NBEAL2: variants seen among roughly 807,000 people sequenced by gnomAD.
The protein encoded by NBEAL2 is neurobeachin-like protein 2.
NBEAL2 carries 160 observed loss-of-function variants against 299.8 expected under a neutral mutation model. The observed-to-expected ratio is 0.53, with a 90% confidence interval of 0.47 to 0.61. The LOEUF is 0.61. Ranked by LOEUF, NBEAL2 falls within the 20% of genes least tolerant of loss-of-function variation. The probability of loss-of-function intolerance (pLI) is 0.00; values close to 1 mark genes in which losing one functional copy is unlikely to be tolerated. For synonymous variants in NBEAL2, 1,493 were observed against 1,542.3 expected (o/e 0.97, Z 0.75); for missense variants, 3,112 against 3,649.0 (o/e 0.85, Z 3.79).
rs1296209242 is a variant in NBEAL2, at chr3:46,998,892, T to C, written c.3384+13T>C. 6.3e-7 allele frequency: 1 copy of C among 1,594,700 alleles called. No individual in the cohort carries two copies. The highest frequency in any genetic ancestry group is 8.5e-7 in the Non-Finnish European group (1 of 1,171,240). ...CGATGACGGTCAGGTAGGCTGGAGG[T>C]TGGGGAGCGGGAGGCTTGGGTGAGG... On this transcript the variant is annotated intron_variant, in intron 23 of 53. Transcript: ENST00000450053.
At position 47,008,175 on chromosome 3, in the gene NBEAL2, T is replaced by C; in HGVS notation, c.7708T>C (p.Ser2570Pro). 1.2e-6 allele frequency: 2 copies of C among 1,613,952 alleles called. No homozygotes were observed. The highest frequency in any genetic ancestry group is 1.7e-6 in the Non-Finnish European group (2 of 1,179,868). ...CAGCACTGAACTTGACATGGCTGTG[T>C]CTGGATCTGAGGTGTGTGTATGCAT... is the stretch of plus-strand genomic sequence containing the variant. ...AISTELDMAV[S>P]GSEDGTVIIH... Residue 2570 changes from serine to proline, a missense_variant, in exon 50 of 54, where the codon TCT (serine) becomes CCT (proline). Ser to Pro is a moderately conservative substitution (Grantham distance 74). Coordinates refer to ENST00000450053, the MANE Select transcript of NBEAL2 (RefSeq NM_015175.3).
At position 46,988,138 on chromosome 3, in the gene NBEAL2, C is replaced by A; in HGVS notation, c.52-531C>A. ...AGGCAGGGCCGCACATGAGGATGTG[C>A]GCATGTCTGGGTCTGCCTGTCTAAT... is the stretch of plus-strand genomic sequence containing the variant. On this transcript the variant is annotated intron_variant, in intron 1 of 53. Transcript: ENST00000450053. The surrounding 1 kb of genome is among the most constrained non-coding windows in gnomAD (Gnocchi z 4.4). 2 of 1,087,222 alleles carry A rather than the reference C, an allele frequency of 1.8e-6. No individual in the cohort carries two copies. The highest frequency in any genetic ancestry group is 2.3e-6 in the Non-Finnish European group (2 of 853,830). The allele number at this position is 1,087,222 out of a possible 1,614,324, so 67.3% of individuals were successfully genotyped here. A position where few individuals can be genotyped will look rare whatever the true frequency, so the allele number is the denominator to read the frequency against.
At chr3:46,990,893 A>G (rs1404787153) in intron 6 of NBEAL2, among the ~76,000 whole-genome samples, 4 of 152,204 alleles carry the variant, frequency 2.6e-5, no homozygotes, top group Admixed American at 6.5e-5. Context: ...CCTGGTCATC[A>G]TGGGGAAGTG....
At chr3:46,992,392 G>C (rs1160609158) in intron 9 of NBEAL2, 83 bp from the exon 10 acceptor site, 1 of 1,314,726 alleles carries the variant, frequency 7.6e-7, no homozygotes. Flanking sequence ...AGCTGCCCCT[G>C]GTCCTGCTCT....
At chr3:47,006,527 C>A in intron 45 of NBEAL2, 78 bp downstream of exon 45, 1 of 1,308,692 alleles carries the variant, frequency 7.6e-7, no homozygotes, top group Non-Finnish European at 1.1e-6. Context: ...CCACGTGGGG[C>A]AGATGGGAAT....
rs538053740 is a variant in NBEAL2 at position 46,984,778 on chromosome 3, C to T, written c.52-3891C>T. On this transcript the variant is annotated intron_variant, in intron 1 of 53. Transcript: ENST00000450053. ...CTCTCCCTTCCTGCTCCTAGCTCTTCCCTGGGGTCCATTAATGCCTCTTAC... is the reference window on the plus strand; with the variant it reads ...CTCTCCCTTCCTGCTCCTAGCTCTTTCCTGGGGTCCATTAATGCCTCTTAC... Among the ~76,000 whole-genome samples, 52 of 152,190 alleles carry T rather than the reference C, an allele frequency of 3.4e-4. No homozygotes were observed. The South Asian group carries it at 0.01, about 30-fold the overall frequency.
chr3:47,000,230 T>C lies in NBEAL2; in HGVS notation c.4131T>C (p.Ser1377=), dbSNP rs1275841005. ...SGNTAGGGGS[S]GTLTPASQPG... ...ACACTGCTGGTGGTGGCGGCAGCAGTGGGACTCTTACTCCAGCCAGCCAGC... is the reference window on the plus strand; with the variant it reads ...ACACTGCTGGTGGTGGCGGCAGCAGCGGGACTCTTACTCCAGCCAGCCAGC... The change falls in exon 27 of 54, where the codon AGT becomes AGC. Residue 1377 remains serine (S), a synonymous_variant. Coordinates refer to ENST00000450053, the MANE Select transcript of NBEAL2 (RefSeq NM_015175.3). This position sits in a 1 kb window ranked among gnomAD's most constrained non-coding sequence, Gnocchi z 4.5. 6.2e-7 allele frequency: 1 copy of C among 1,613,446 alleles called. No individual in the cohort carries two copies. Among genetic ancestry groups the C allele is most frequent in the Non-Finnish European group, 8.5e-7 (1 of 1,179,870 alleles).
Position 47,004,258 on chromosome 3 carries a change from G to T in NBEAL2, c.6063G>T (p.Gln2021His). 6.2e-7 allele frequency: 1 copy of T among 1,613,640 alleles called. No individual in the cohort carries two copies. Among genetic ancestry groups the T allele is most frequent in the Non-Finnish European group, 8.5e-7 (1 of 1,179,766 alleles). The change falls in exon 37 of 54, where the codon CAG becomes CAT. Residue 2021 changes from glutamine (Q) to histidine (H), a missense_variant. Around this residue, in one of 3 missense-constraint regions of NBEAL2, gnomAD observed 521 missense variants for 729.6 expected, o/e 0.71. Transcript: ENST00000450053. This position sits in a 1 kb window ranked among gnomAD's most constrained non-coding sequence, Gnocchi z 5.0. ...CTCCTAGCCAGACTCCCAGACCCCA[G>T]CCTGGCCCCATCCCACCCCATACCC... is the stretch of plus-strand genomic sequence containing the variant. ...VSSPSQTPRP[Q>H]PGPIPPHTQV...
chr3:46,995,215 C>T lies in NBEAL2; in HGVS notation c.1480C>T (p.Leu494=), dbSNP rs1194655669. ...CCGTGCCACCTGTGTGCAGGCAGGC[C>T]TGGTGGGCTGCCTGTTGGAGACACT... ...ASRATCVQAG[L]VGCLLETLST... The change falls in exon 13 of 54, where the codon CTG becomes TTG. Residue 494 remains leucine (L), a synonymous_variant. Coordinates refer to ENST00000450053, the MANE Select transcript of NBEAL2 (RefSeq NM_015175.3). 2 of 1,555,950 alleles carry T rather than the reference C, an allele frequency of 1.3e-6. No homozygotes were observed. The highest frequency in any genetic ancestry group is 4.8e-5 in the East Asian group (2 of 41,268).
At chr3:46,983,858 C>T (rs1478712776) in intron 1 of NBEAL2, among the ~76,000 whole-genome samples, 1 of 152,048 alleles carries the variant, frequency 6.6e-6, no homozygotes, top group Non-Finnish European at 1.5e-5. Context: ...GGTCAGTTAC[C>T]ATGGGGTCTA....
intron 1 of NBEAL2, among the ~76,000 whole-genome samples, chr3:46,987,787 C>T (rs2035771772): frequency 6.6e-6 from 1 of 152,302 alleles, no homozygotes; most frequent in Non-Finnish European, 1.5e-5. Flanking sequence ...ACAAGCCCCA[C>T]CCAGGACAGG....
chr3:47,000,344 C>T lies in NBEAL2; in HGVS notation c.4245C>T (p.Asp1415=), dbSNP rs371129706. The change falls in exon 27 of 54, where the codon GAC becomes GAT. Residue 1415 remains aspartate, a synonymous_variant. Coordinates refer to ENST00000450053, the MANE Select transcript of NBEAL2 (RefSeq NM_015175.3). This position sits in a 1 kb window ranked among gnomAD's most constrained non-coding sequence, Gnocchi z 4.5. ...CCAGTCTCTCCAATGTGCTGGAGGACGGCAGCCTCCCGGAGCCCACCATTA... is the reference window on the plus strand; with the variant it reads ...CCAGTCTCTCCAATGTGCTGGAGGATGGCAGCCTCCCGGAGCCCACCATTA... ...HSSSLSNVLE[D]GSLPEPTISG... 118 of 1,602,742 alleles carry T rather than the reference C, an allele frequency of 7.4e-5. No homozygotes were observed. The highest frequency in any genetic ancestry group is 3.3e-4 in the Middle Eastern group (2 of 6,024).
intron 1 of NBEAL2, among the ~76,000 whole-genome samples, chr3:46,981,173 G>A (rs535042399): frequency 6.9e-4 from 105 of 152,276 alleles, no homozygotes; most frequent in African/African-American, 2.4e-3. Context: ...GGCCGGGCAC[G>A]GTGGCTCACA....
chr3:46,993,836 A>T (rs1364950152), intron 10 of NBEAL2, 101 bp from the exon 11 acceptor site: 1 of 1,023,158 alleles, frequency 9.8e-7, no homozygotes, highest in Admixed American at 2.1e-5. Context: ...CACATGCCAC[A>T]TGCCTTGGGG....
chr3:47,007,373 G>A, intron 47 of NBEAL2, 23 bp downstream of exon 47: 1 of 1,582,176 alleles, frequency 6.3e-7, no homozygotes, highest in East Asian at 2.3e-5. Flanking sequence ...GCTGTGGGTG[G>A]GGTGGGCTAC....
Position 46,980,747 on chromosome 3 carries a change from C to T in NBEAL2, c.51+835C>T, listed in dbSNP as rs560605064. On this transcript the variant is annotated intron_variant, in intron 1 of 53. Coordinates refer to ENST00000450053, the MANE Select transcript of NBEAL2 (RefSeq NM_015175.3). ...TCAGCTGAGAACCTGGTATCACTCA[C>T]ACCGTCTCACACACATAGTCCCCCA... Among the ~76,000 whole-genome samples the T allele has an allele frequency of 2.9e-4, 44 of 152,262 alleles. No individual in the cohort carries two copies. The South Asian group carries it at 8.9e-3, about 31-fold the overall frequency.
Position 47,005,017 on chromosome 3 carries a change from A to G in NBEAL2, c.6340A>G (p.Ser2114Gly), listed in dbSNP as rs1453184345. The change falls in exon 39 of 54, where the codon AGC becomes GGC. Residue 2114 changes from serine to glycine, a missense_variant. Ser to Gly is a moderately conservative substitution (Grantham distance 56). Coordinates refer to ENST00000450053, the MANE Select transcript of NBEAL2 (RefSeq NM_015175.3). ...CTACGTGTCCCCAACCCTGGACCTCAGCAACCCAGCCGTCTTCCGGGACCT... is the reference window on the plus strand; with the variant it reads ...CTACGTGTCCCCAACCCTGGACCTCGGCAACCCAGCCGTCTTCCGGGACCT... ...QDYVSPTLDL[S>G]NPAVFRDLSK... The G allele has an allele frequency of 1.9e-6, 3 of 1,612,324 alleles. No homozygotes were observed. In the African/African-American group the frequency reaches 4.0e-5, roughly 22 times the overall value.
At chr3:46,992,395 C>A (rs1342538203) in intron 9 of NBEAL2, 80 bp from the exon 10 acceptor site, 3 of 1,344,416 alleles carry the variant, frequency 2.2e-6, no homozygotes, top group Non-Finnish European at 2.1e-6. Context: ...TGCCCCTGGT[C>A]CTGCTCTAAC....
rs773176694 is a variant in NBEAL2, at chr3:47,005,307, G to C, written c.6546G>C (p.Gln2182His). 6.2e-7 allele frequency: 1 copy of C among 1,612,518 alleles called. No individual in the cohort carries two copies. Among genetic ancestry groups the C allele is most frequent in the Middle Eastern group, 1.6e-4 (1 of 6,062 alleles). The change falls in exon 40 of 54, where the codon CAG (glutamine) becomes CAC (histidine). Residue 2182 changes from glutamine (Q) to histidine (H), a missense_variant. By Grantham distance (24) the Gln-to-His change is conservative. Around this residue, in one of 3 missense-constraint regions of NBEAL2, gnomAD observed 521 missense variants for 729.6 expected, o/e 0.71. Transcript: ENST00000450053. The part of the protein sequence containing the change: ...RVEPFTSLHV[Q>H]LQSGRFDCSD... ...AGCCCTTCACCTCCCTGCACGTCCA[G>C]CTGCAAAGTGGCCGGTGCGGCCCAG... is the stretch of plus-strand genomic sequence containing the variant.
Sources: gnomAD v4.1 joint callset for allele counts (sites outside exome capture counted in the v4.1 genomes callset) on GRCh38, gnomAD v4.1.1 for gene constraint, gnomAD v4.1.1 regional missense constraint, Gnocchi (gnomAD v3.1) non-coding constraint, MANE v1.5 for transcripts, NCBI Gene and HGNC (gene_info 2026-07-23, HGNC 2026-07-21) for gene names.